JMJD1C: variants seen among roughly 807,000 people sequenced by gnomAD.
JMJD1C encodes the protein jumonji domain containing 1C, also known as jumonji domain-containing protein 1C.
JMJD1C carries 31 observed loss-of-function variants against 245.3 expected under a neutral mutation model. That is an observed-to-expected ratio of 0.13 (90% CI 0.09 to 0.17). The LOEUF (loss-of-function observed/expected upper bound fraction) is 0.17, where lower values mean the gene tolerates loss of function less well. JMJD1C is among the 10% of genes least tolerant of loss of function. The probability of loss-of-function intolerance (pLI) is 1.00; values close to 1 mark genes in which losing one functional copy is unlikely to be tolerated. For synonymous variants in JMJD1C, 1,057 were observed against 1,017.4 expected, an observed-to-expected ratio of 1.04 and a Z score of -0.74; for missense variants, 2,691 against 3,000.2, an observed-to-expected ratio of 0.90 and a Z score of 2.41.
chr10:63,210,129 T>TA (rs138256238), intron 8 of JMJD1C, among the ~76,000 whole-genome samples: 3,281 of 152,186 alleles, frequency 0.022, 116 homozygotes, highest in African/African-American at 0.073. Context: ...AAACCCCACA[T>TA]AAGAGAAAAA....
chr10:63,397,389 T>C (rs1948575205), intron 1 of JMJD1C, among the ~76,000 whole-genome samples: 1 of 152,000 alleles, frequency 6.6e-6, no homozygotes, highest in Non-Finnish European at 1.5e-5. Flanking sequence ...TATTTTGTAT[T>C]TTCAGTAGAG....
chr10:63,337,583 GAAA>G (rs1318103518), intron 2 of JMJD1C, among the ~76,000 whole-genome samples: 1 of 91,328 alleles, frequency 1.1e-5, no homozygotes, highest in South Asian at 3.4e-4. Context: ...GAAAAGAAAA[GAAA>G]AGAAAAGAAA....
At chr10:63,451,591 T>C (rs922041593) in intron 1 of JMJD1C, among the ~76,000 whole-genome samples, 9 of 152,220 alleles carry the variant, frequency 5.9e-5, no homozygotes, top group African/African-American at 9.6e-5. Flanking sequence ...AGCACTGACA[T>C]TGTATTAGGA....
chr10:63,290,422 G>A (rs140156816), intron 2 of JMJD1C, among the ~76,000 whole-genome samples: 105 of 152,202 alleles, frequency 6.9e-4, no homozygotes, highest in African/African-American at 2.0e-3. Flanking sequence ...TTAGTCAGGC[G>A]TGGTGGCGGA....
intron 2 of JMJD1C, among the ~76,000 whole-genome samples, chr10:63,282,504 G>A (rs1300742868): frequency 6.6e-6 from 1 of 152,190 alleles, no homozygotes; most frequent in African/African-American, 2.4e-5. Flanking sequence ...TACTGAAAGA[G>A]AGACCTTTTT....
Position 63,222,075 on chromosome 10 carries a change from A to G in JMJD1C, c.448-2092T>C, listed in dbSNP as rs1848663942. ...ATTACTATTTTCAGATATCTCTGAC[A>G]GCAAGTTCTTTTAAAATTTTTCTCA... is the stretch of plus-strand genomic sequence containing the variant. On this transcript the variant is annotated intron_variant, in intron 3 of 25. Coordinates refer to ENST00000399262, the MANE Select transcript of JMJD1C (RefSeq NM_032776.3). The G allele has an allele frequency of 1.0e-5, 5 of 501,718 alleles. No homozygotes were observed. In the East Asian group the frequency reaches 1.6e-4, roughly 16 times the overall value. The allele number at this position is 501,718 out of a possible 1,614,324, so 31.1% of individuals were successfully genotyped here. A position where few individuals can be genotyped will look rare whatever the true frequency, so the allele number is the denominator to read the frequency against.
intron 24 of JMJD1C, among the ~76,000 whole-genome samples, chr10:63,171,697 A>C: frequency 6.6e-6 from 1 of 152,158 alleles, no homozygotes; most frequent in East Asian, 1.9e-4. Context: ...AGACCCATTG[A>C]AATCAGAAAC....
chr10:63,411,429 G>C (rs900795372), intron 1 of JMJD1C, among the ~76,000 whole-genome samples: 2 of 151,352 alleles, frequency 1.3e-5, no homozygotes, highest in Admixed American at 6.6e-5. Flanking sequence ...CTCCTGAATA[G>C]CTGGGATTAC....
At chr10:63,269,116 A>G in intron 2 of JMJD1C, 1 of 985,504 alleles carries the variant, frequency 1.0e-6, no homozygotes, top group Non-Finnish European at 1.2e-6. Flanking sequence ...CTCCAAATAA[A>G]GAGAACAGCC....
intron 2 of JMJD1C, among the ~76,000 whole-genome samples, chr10:63,277,727 A>ATTTTTTTTTT (rs1389505532): frequency 2.5e-4 from 21 of 83,150 alleles, no homozygotes; most frequent in East Asian, 7.3e-4. Context: ...AGTAATTTGC[A>ATTTTTTTTTT]TTTCTTTTTT....
chr10:63,509,797 T>C (rs1954821738), intron 1 of JMJD1C, among the ~76,000 whole-genome samples: 1 of 152,210 alleles, frequency 6.6e-6, no homozygotes, highest in Non-Finnish European at 1.5e-5. Context: ...CCTTTCTTTT[T>C]AGCTGGTCTA....
intron 1 of JMJD1C, among the ~76,000 whole-genome samples, chr10:63,508,690 A>G (rs548441663): frequency 4.6e-5 from 7 of 152,228 alleles, no homozygotes; most frequent in African/African-American, 1.7e-4. Flanking sequence ...TAGATCTTGT[A>G]TATATTTTGT....
At chr10:63,203,810 T>A (rs1846295613) in intron 10 of JMJD1C, 1 of 964,822 alleles carries the variant, frequency 1.0e-6, no homozygotes, top group African/African-American at 1.8e-5. Context: ...TATACATGTA[T>A]AACGGTGTAT....
chr10:63,217,029 T>A (rs1295060423), intron 5 of JMJD1C, among the ~76,000 whole-genome samples, 178 bp downstream of exon 5: 1 of 152,182 alleles, frequency 6.6e-6, no homozygotes, highest in Non-Finnish European at 1.5e-5. Flanking sequence ...CATTGCTGTC[T>A]CCCTATGACC....
intron 1 of JMJD1C, among the ~76,000 whole-genome samples, chr10:63,434,383 A>C (rs1950945632): frequency 6.6e-6 from 1 of 152,178 alleles, no homozygotes; most frequent in South Asian, 2.1e-4. Context: ...AGTTTAACTG[A>C]CTGAAGTTTC....
intron 3 of JMJD1C, 121 bp downstream of exon 3, chr10:63,264,530 G>A (rs1855288417): frequency 5.4e-6 from 3 of 560,300 alleles, no homozygotes; most frequent in East Asian, 6.2e-5. Flanking sequence ...CATTCATTGG[G>A]TTTTTCACAC....
intron 3 of JMJD1C, among the ~76,000 whole-genome samples, chr10:63,242,517 T>C (rs1170116701): frequency 6.6e-6 from 1 of 151,822 alleles, no homozygotes; most frequent in African/African-American, 2.4e-5. Flanking sequence ...AGGTCAGGAG[T>C]CTGACACCAG....
At chr10:63,403,314 G>T (rs908371741) in intron 1 of JMJD1C, among the ~76,000 whole-genome samples, 3 of 152,166 alleles carry the variant, frequency 2.0e-5, no homozygotes, top group African/African-American at 7.2e-5. Context: ...GACTGACAAT[G>T]AATAAAGAGT....
At chr10:63,408,443 G>A (rs1022516018) in intron 1 of JMJD1C, among the ~76,000 whole-genome samples, 2 of 151,448 alleles carry the variant, frequency 1.3e-5, no homozygotes, top group East Asian at 1.9e-4. Context: ...ATCTAGGAAA[G>A]TTATTGTGAA....
Sources: allele counts gnomAD v4.1 joint callset (sites outside exome capture counted in the v4.1 genomes callset), GRCh38; gene constraint gnomAD v4.1.1; transcripts MANE v1.5; gene names NCBI Gene and HGNC (gene_info 2026-07-23, HGNC 2026-07-21).